Variants in WDFY2 observed in about 807,000 individuals in gnomAD.
The protein encoded by WDFY2 is WD repeat and FYVE domain-containing protein 2.
Under a neutral mutation model 56.4 loss-of-function variants are expected in WDFY2, and 36 were observed. The ratio of observed to expected loss-of-function variants is 0.64; its 90% CI spans 0.49 to 0.84. The LOEUF (loss-of-function observed/expected upper bound fraction) is 0.84. WDFY2 is among the 40% of genes least tolerant of loss of function. The pLI is 0.00. For synonymous variants in WDFY2, 176 were observed against 183.7 expected (o/e 0.96, Z 0.34); for missense variants, 444 against 512.2 (o/e 0.87, Z 1.29).
At chr13:51,622,821 C>T (rs1014609233) in intron 1 of WDFY2, among the ~76,000 whole-genome samples, 1 of 150,324 alleles carries the variant, frequency 6.7e-6, no homozygotes, top group Non-Finnish European at 1.5e-5. Context: ...AACTGGAATA[C>T]CTTTAAAAGT....
intron 2 of WDFY2, among the ~76,000 whole-genome samples, chr13:51,664,379 C>G (rs1955664362): frequency 6.6e-6 from 1 of 152,184 alleles, no homozygotes; most frequent in Admixed American, 6.5e-5. Flanking sequence ...CTAGTCTCAG[C>G]CTGGGCAGGG....
chr13:51,663,998 C>T (rs932669409), intron 2 of WDFY2, among the ~76,000 whole-genome samples: 2 of 152,014 alleles, frequency 1.3e-5, no homozygotes, highest in Admixed American at 1.3e-4. Flanking sequence ...TTGTCATATT[C>T]CAGGTAAGAG....
chr13:51,672,881 T>G (rs927124338), intron 2 of WDFY2, among the ~76,000 whole-genome samples: 17 of 152,252 alleles, frequency 1.1e-4, no homozygotes, highest in African/African-American at 2.7e-4. Flanking sequence ...GCTACTGATT[T>G]GTGTGCATTA....
At chr13:51,635,025 G>A (rs1359662216) in intron 1 of WDFY2, among the ~76,000 whole-genome samples, 1 of 152,106 alleles carries the variant, frequency 6.6e-6, no homozygotes, top group Non-Finnish European at 1.5e-5. Flanking sequence ...TGCAACCTCT[G>A]CCTCCCAGGT....
At chr13:51,655,490 G>A (rs1241780978) in intron 1 of WDFY2, among the ~76,000 whole-genome samples, 1 of 151,662 alleles carries the variant, frequency 6.6e-6, no homozygotes, top group East Asian at 1.9e-4. Context: ...GTATCACATT[G>A]ATTGATTTCT....
chr13:51,600,354 T>C (rs1954249040), intron 1 of WDFY2, among the ~76,000 whole-genome samples: 1 of 152,100 alleles, frequency 6.6e-6, no homozygotes. Flanking sequence ...AGGGATGCAT[T>C]TGGGTCTTGG....
intron 6 of WDFY2, among the ~76,000 whole-genome samples, chr13:51,731,533 CTTA>C (rs1420806205): frequency 2.0e-5 from 3 of 152,156 alleles, no homozygotes; most frequent in African/African-American, 2.4e-5. Context: ...AGATGGTTAC[CTTA>C]TTATTGTTCC....
chr13:51,610,589 C>G (rs1954482786), intron 1 of WDFY2, among the ~76,000 whole-genome samples: 1 of 152,142 alleles, frequency 6.6e-6, no homozygotes, highest in Non-Finnish European at 1.5e-5. Context: ...CTCTTTGCAT[C>G]CAGTAATGTT....
At chr13:51,697,021 A>C (rs1951890728) in intron 3 of WDFY2, among the ~76,000 whole-genome samples, 1 of 152,200 alleles carries the variant, frequency 6.6e-6, no homozygotes, top group Admixed American at 6.5e-5. Context: ...TGAAAGAGGA[A>C]ATACTAAGGG....
At chr13:51,607,502 A>C (rs1412758170) in intron 1 of WDFY2, among the ~76,000 whole-genome samples, 1 of 152,150 alleles carries the variant, frequency 6.6e-6, no homozygotes, top group Non-Finnish European at 1.5e-5. Flanking sequence ...TTTTGCAAAC[A>C]ATCCACCATG....
chr13:51,609,291 T>C (rs950700704), intron 1 of WDFY2, among the ~76,000 whole-genome samples: 2 of 152,240 alleles, frequency 1.3e-5, no homozygotes, highest in African/African-American at 2.4e-5. Context: ...TTCTGCCTTT[T>C]ATTTCCTGCT....
intron 1 of WDFY2, among the ~76,000 whole-genome samples, chr13:51,653,256 C>G (rs971845997): frequency 1.2e-4 from 18 of 152,220 alleles, no homozygotes; most frequent in African/African-American, 4.3e-4. Context: ...TCAGCTCCAT[C>G]AGGTCCTTTA....
At chr13:51,627,488 C>T (rs917912687) in intron 1 of WDFY2, among the ~76,000 whole-genome samples, 12 of 152,092 alleles carry the variant, frequency 7.9e-5, no homozygotes, top group African/African-American at 2.9e-4. Flanking sequence ...TCTGCCTTAG[C>T]CTCCCAAGTA....
At chr13:51,649,173 C>A (rs1955318848) in intron 1 of WDFY2, among the ~76,000 whole-genome samples, 1 of 152,060 alleles carries the variant, frequency 6.6e-6, no homozygotes, top group Non-Finnish European at 1.5e-5. Flanking sequence ...AAATAAATAG[C>A]CCAGTTGCTG....
chr13:51,590,270 A>C (rs1034718813), intron 1 of WDFY2: 2 of 152,244 alleles, frequency 1.3e-5, no homozygotes, highest in African/African-American at 4.8e-5. Context: ...AGTGCTGCTA[A>C]ACTTACTTTG....
intron 4 of WDFY2, among the ~76,000 whole-genome samples, chr13:51,718,836 C>A (rs1305837920): frequency 6.6e-6 from 1 of 152,184 alleles, no homozygotes; most frequent in Non-Finnish European, 1.5e-5. Flanking sequence ...TGTGGTCACA[C>A]TGGATGTGGC....
chr13:51,717,574 G>T (rs1453412554), intron 4 of WDFY2, among the ~76,000 whole-genome samples: 3 of 151,994 alleles, frequency 2.0e-5, no homozygotes, highest in African/African-American at 7.3e-5. Context: ...GGGGTGAGGT[G>T]TTAGGGGCCA....
intron 11 of WDFY2, among the ~76,000 whole-genome samples, chr13:51,758,949 G>A (rs2138771606): frequency 6.6e-6 from 1 of 152,256 alleles, no homozygotes; most frequent in South Asian, 2.1e-4. Flanking sequence ...TTTGGGAGGT[G>A]AGACGGAGGA....
intron 3 of WDFY2, among the ~76,000 whole-genome samples, chr13:51,675,561 G>C (rs1292163697): frequency 6.6e-6 from 1 of 152,182 alleles, no homozygotes; most frequent in East Asian, 1.9e-4. Flanking sequence ...GCTTTAATCA[G>C]ATGGTTAATC....
Sources: gnomAD v4.1 joint callset for allele counts (sites outside exome capture counted in the v4.1 genomes callset) on GRCh38, gnomAD v4.1.1 for gene constraint, MANE v1.5 for transcripts, NCBI Gene and HGNC (gene_info 2026-07-23, HGNC 2026-07-21) for gene names.